IL1RAPL1: variants seen among roughly 807,000 people sequenced by gnomAD.
IL1RAPL1 encodes interleukin 1 receptor accessory protein like 1.
A neutral mutation model predicts 48.4 loss-of-function variants in IL1RAPL1; 3 were observed. That is an observed-to-expected ratio of 0.06 (90% CI 0.03 to 0.16). The LOEUF is 0.16. IL1RAPL1 is among the 10% of genes least tolerant of loss of function. The pLI is 1.00. For missense variants in IL1RAPL1, 349 were observed against 530.6 expected, an observed-to-expected ratio of 0.66 and a Z score of 3.36; for synonymous variants, 185 against 187.7, an observed-to-expected ratio of 0.99 and a Z score of 0.12.
chrX:29,606,035 G>T (rs1923881314), intron 5 of IL1RAPL1, among the ~76,000 whole-genome samples: 1 of 111,939 alleles, frequency 8.9e-6, no homozygotes, highest in South Asian at 3.7e-4. Flanking sequence ...AATCTATTTT[G>T]CAGTTTCATA....
chrX:29,657,590 C>T (rs968276102), intron 5 of IL1RAPL1, among the ~76,000 whole-genome samples: 1 of 112,055 alleles, frequency 8.9e-6, no homozygotes, highest in Non-Finnish European at 1.9e-5. Flanking sequence ...TTCTGACTTT[C>T]GCAGTGACAT....
chrX:29,523,018 A>G (rs1244303009), intron 5 of IL1RAPL1, among the ~76,000 whole-genome samples: 1 of 111,112 alleles, frequency 9.0e-6, no homozygotes, highest in Admixed American at 9.6e-5. Context: ...TGTTTATACT[A>G]TTATAACTTT....
intron 2 of IL1RAPL1, among the ~76,000 whole-genome samples, chrX:29,261,512 G>A (rs1931859986): frequency 9.0e-6 from 1 of 110,626 alleles, no homozygotes; most frequent in South Asian, 3.8e-4. Context: ...CAAAAACCTG[G>A]CTGCCTCTTT....
intron 2 of IL1RAPL1, among the ~76,000 whole-genome samples, chrX:29,096,856 T>A (rs1928226746): frequency 9.0e-6 from 1 of 110,823 alleles, no homozygotes; most frequent in Non-Finnish European, 1.9e-5. Context: ...ACAGAATTGT[T>A]GGGAATCATT....
intron 5 of IL1RAPL1, among the ~76,000 whole-genome samples, chrX:29,413,967 T>G (rs1489250690): frequency 9.0e-6 from 1 of 111,207 alleles, no homozygotes; most frequent in East Asian, 2.8e-4. Flanking sequence ...ATATATGTCT[T>G]ATTGACTATT....
chrX:29,854,078 G>A (rs1009260741), intron 6 of IL1RAPL1, among the ~76,000 whole-genome samples: 3 of 111,686 alleles, frequency 2.7e-5, no homozygotes, highest in African/African-American at 9.8e-5. Flanking sequence ...AAATTTTCGA[G>A]GTACGAAGGA....
intron 5 of IL1RAPL1, among the ~76,000 whole-genome samples, chrX:29,528,368 A>G (rs1056523751): frequency 8.9e-6 from 1 of 112,559 alleles, no homozygotes; most frequent in Non-Finnish European, 1.9e-5. Context: ...GTAATTTCTA[A>G]GTGAAAGCGA....
intron 5 of IL1RAPL1, among the ~76,000 whole-genome samples, chrX:29,544,722 GA>G (rs1201670581): frequency 1.4e-4 from 11 of 76,570 alleles, no homozygotes; most frequent in African/African-American, 5.3e-4. Flanking sequence ...ATGTGGAGAT[GA>G]TGTGTGTGTG....
At chrX:28,879,393 T>C (rs1160516678) in intron 2 of IL1RAPL1, among the ~76,000 whole-genome samples, 1 of 111,295 alleles carries the variant, frequency 9.0e-6, no homozygotes, top group Non-Finnish European at 1.9e-5. Flanking sequence ...TAAAGTCCAG[T>C]GGGAAAGCTA....
At chrX:29,586,486 C>G (rs1309329577) in intron 5 of IL1RAPL1, among the ~76,000 whole-genome samples, 2 of 111,645 alleles carry the variant, frequency 1.8e-5, no homozygotes, top group Non-Finnish European at 3.8e-5. Context: ...TGTGAAACCT[C>G]TAACATTTTC....
intron 5 of IL1RAPL1, among the ~76,000 whole-genome samples, chrX:29,404,123 A>G (rs1327836685): frequency 6.2e-5 from 7 of 112,040 alleles, no homozygotes; most frequent in Non-Finnish European, 1.1e-4. Flanking sequence ...AAGTTCTATG[A>G]GTTTAAACAA....
chrX:29,017,855 T>C (rs777856384), intron 2 of IL1RAPL1, among the ~76,000 whole-genome samples: 50 of 111,757 alleles, frequency 4.5e-4, no homozygotes, highest in African/African-American at 1.5e-3. Context: ...ATAGTTGATA[T>C]ACATTTAAAA....
chrX:29,184,436 A>G (rs1374930277), intron 2 of IL1RAPL1, among the ~76,000 whole-genome samples: 1 of 112,019 alleles, frequency 8.9e-6, no homozygotes, highest in Non-Finnish European at 1.9e-5. Flanking sequence ...GTTTTCTTCA[A>G]CGCATCACTT....
At chrX:28,760,339 C>T (rs1355883858) in intron 1 of IL1RAPL1, among the ~76,000 whole-genome samples, 1 of 111,750 alleles carries the variant, frequency 8.9e-6, no homozygotes, top group Non-Finnish European at 1.9e-5. Context: ...TTGAATAATA[C>T]AACAATGCTT....
chrX:28,707,680 C>T (rs938625802), intron 1 of IL1RAPL1, among the ~76,000 whole-genome samples: 1 of 112,029 alleles, frequency 8.9e-6, no homozygotes, highest in Admixed American at 9.5e-5. Flanking sequence ...TGTGAATGAG[C>T]TTGACCCGAA....
chrX:29,338,136 G>A (rs1006280906), intron 3 of IL1RAPL1, among the ~76,000 whole-genome samples: 31 of 111,280 alleles, frequency 2.8e-4, no homozygotes, highest in Admixed American at 1.4e-3. Context: ...ATCCTTAAAT[G>A]CTTGAATAAA....
chrX:29,550,995 C>T lies in IL1RAPL1; in HGVS notation c.704-117435C>T, dbSNP rs773032627. Reference sequence around the variant, plus strand: ...TTCCACTCCTTCTAGCCCCAGGCAACAACCATTCTATTTTCTGTCTCTATG... The same window carrying T: ...TTCCACTCCTTCTAGCCCCAGGCAATAACCATTCTATTTTCTGTCTCTATG... On this transcript the variant is annotated intron_variant, in intron 5 of 10. Transcript: ENST00000378993. 9.8e-5 allele frequency among the ~76,000 whole-genome samples: 11 copies of T among 112,144 alleles called. No homozygotes were observed. In the East Asian group the frequency reaches 2.5e-3, roughly 26 times the overall value.
chrX:29,850,553 G>A (rs977643799), intron 6 of IL1RAPL1, among the ~76,000 whole-genome samples: 2 of 112,404 alleles, frequency 1.8e-5, no homozygotes, highest in African/African-American at 6.5e-5. Context: ...CACAATTGAG[G>A]TGGTGCAGAC....
chrX:29,541,064 G>C (rs1177411837), intron 5 of IL1RAPL1, among the ~76,000 whole-genome samples: 1 of 111,906 alleles, frequency 8.9e-6, no homozygotes, highest in Non-Finnish European at 1.9e-5. Flanking sequence ...AATCCATAAG[G>C]AATGTAAAAA....
Sources: gnomAD v4.1 joint callset for allele counts (sites outside exome capture counted in the v4.1 genomes callset) on GRCh38, gnomAD v4.1.1 for gene constraint, MANE v1.5 for transcripts, NCBI Gene and HGNC (gene_info 2026-07-23, HGNC 2026-07-21) for gene names.